The following COL4A3 variants were observed in gnomAD, a reference collection of about 807,000 sequenced individuals.
The protein encoded by COL4A3 is collagen alpha-3(IV) chain.
COL4A3 carries 135 observed loss-of-function variants against 217.4 expected under a neutral mutation model. The observed-to-expected ratio is 0.62, with a 90% CI of 0.54 to 0.72. The LOEUF is 0.72. COL4A3 is among the 30% of genes least tolerant of loss of function. COL4A3 has a pLI of 0.00. For missense variants in COL4A3, 1,868 were observed against 2,119.9 expected, an observed-to-expected ratio of 0.88 and a Z score of 2.33; for synonymous variants, 690 against 736.3, an observed-to-expected ratio of 0.94 and a Z score of 1.02.
intron 4 of COL4A3, 28 bp from the exon 5 acceptor site, chr2:227,244,923 C>A: frequency 6.2e-7 from 1 of 1,605,914 alleles, no homozygotes; most frequent in Non-Finnish European, 8.5e-7. Flanking sequence ...TTTTTTTTGC[C>A]ACCCCCTCCT....
rs1336275500 is a variant in COL4A3, at chr2:227,298,668, T to C, written c.3752-14T>C. The C allele has an allele frequency of 2.5e-6, 4 of 1,613,538 alleles. No individual in the cohort carries two copies. In the Admixed American group the frequency reaches 6.7e-5, roughly 27 times the overall value. ...CCCTGGCTGGCAATACTGACAGACT[T>C]TTCATGAATTCAGGTGCGCCTGGTC... On this transcript the variant is annotated splice_polypyrimidine_tract_variant and intron_variant, in intron 42 of 51. Coordinates refer to ENST00000396578, the MANE Select transcript of COL4A3 (RefSeq NM_000091.5).
At chr2:227,258,368 C>G (rs1031897170) in intron 18 of COL4A3, among the ~76,000 whole-genome samples, 1 of 152,196 alleles carries the variant, frequency 6.6e-6, no homozygotes, top group African/African-American at 2.4e-5. Context: ...AGTAATGTAA[C>G]TCAGGAATTG....
rs917500322 is a variant in COL4A3 at position 227,266,921 on chromosome 2, G to A, written c.1409-72G>A. 9 of 1,012,498 alleles carry A rather than the reference G, an allele frequency of 8.9e-6. No individual in the cohort carries two copies. In the African/African-American group the frequency reaches 1.4e-4, roughly 16 times the overall value. 62.7% of individuals were successfully genotyped at this position (1,012,498 alleles called of 1,614,324 possible). On this transcript the variant is annotated intron_variant, in intron 22 of 51. Coordinates refer to ENST00000396578, the MANE Select transcript of COL4A3 (RefSeq NM_000091.5). ...TTTAAATGTAATAAATGATAGTGTG[G>A]TTGGAAAATATTTGTTCTTTCTGAG...
chr2:227,266,046 C>A (rs1466388160), intron 21 of COL4A3: 1 of 245,134 alleles, frequency 4.1e-6, no homozygotes, highest in East Asian at 1.0e-4. Context: ...AATTACCTCC[C>A]ACCAGGTCCC....
At chr2:227,176,579 C>T (rs932277380) in intron 1 of COL4A3, among the ~76,000 whole-genome samples, 2 of 152,166 alleles carry the variant, frequency 1.3e-5, no homozygotes, top group African/African-American at 4.8e-5. Context: ...ATTAGATTGT[C>T]TCTCCAAACT....
At chr2:227,297,483 T>C (rs1294368952) in intron 41 of COL4A3, among the ~76,000 whole-genome samples, 191 bp from the exon 42 acceptor site, 2 of 152,210 alleles carry the variant, frequency 1.3e-5, no homozygotes, top group South Asian at 4.1e-4. Flanking sequence ...GGAGACAGAC[T>C]GAGTCTCAAC....
chr2:227,208,018 G>GC (rs1036937422), intron 1 of COL4A3, among the ~76,000 whole-genome samples: 20 of 88,220 alleles, frequency 2.3e-4, no homozygotes, highest in African/African-American at 6.0e-4. Flanking sequence ...CTCTCCCCCC[G>GC]CCCCCCCACA....
Position 227,280,884 on chromosome 2 carries a change from CT to C in COL4A3, c.2375-5del, listed in dbSNP as rs1273730221. 1.9e-6 allele frequency: 3 copies of C among 1,544,584 alleles called. 1 individual carries two copies. The South Asian group carries it at 3.6e-5, about 18-fold the overall frequency. ...GCACCTGGGTATATACTTGTGCTTT[CT>C]TTTGCAGGAGATCCAGGGCAGCCTG... is the stretch of plus-strand genomic sequence containing the variant. On this transcript the variant is annotated splice_region_variant and splice_polypyrimidine_tract_variant and intron_variant, in intron 30 of 51. Coordinates refer to ENST00000396578, the MANE Select transcript of COL4A3 (RefSeq NM_000091.5).
chr2:227,200,112 A>G (rs17367956), intron 1 of COL4A3, among the ~76,000 whole-genome samples: 21,817 of 152,202 alleles, frequency 0.14, 1,696 homozygotes, highest in Non-Finnish European at 0.17. Context: ...GCTGAATGCT[A>G]GCAGAGCCTG....
At position 227,254,097 on chromosome 2, in the gene COL4A3, C is replaced by CTGT; in HGVS notation, c.766-13_766-11dup. 1 of 1,612,004 alleles carries CTGT rather than the reference C, an allele frequency of 6.2e-7. No homozygotes were observed. The highest frequency in any genetic ancestry group is 8.5e-7 in the Non-Finnish European group (1 of 1,178,256). On this transcript the variant is annotated splice_polypyrimidine_tract_variant and intron_variant, in intron 13 of 51. Transcript: ENST00000396578. ...TTCATCCATTTGTAACAATGTTGAA[C>CTGT]TGTTTCTTTGGCAGGACCTCAAGGG...
chr2:227,207,925 G>A (rs1392020057), intron 1 of COL4A3, among the ~76,000 whole-genome samples: 3 of 152,126 alleles, frequency 2.0e-5, no homozygotes, highest in Non-Finnish European at 2.9e-5. Flanking sequence ...GTGGGGAATA[G>A]GGAGAAATGG....
At chr2:227,292,356 T>C (rs2072793786) in intron 37 of COL4A3, among the ~76,000 whole-genome samples, 1 of 152,220 alleles carries the variant, frequency 6.6e-6, no homozygotes, top group Non-Finnish European at 1.5e-5. Flanking sequence ...AAACCTGAGA[T>C]TGCTTCCACT....
At chr2:227,281,204 C>T (rs970045868) in intron 31 of COL4A3, among the ~76,000 whole-genome samples, 198 bp downstream of exon 31, 2 of 152,164 alleles carry the variant, frequency 1.3e-5, no homozygotes, top group African/African-American at 4.8e-5. Flanking sequence ...AAGGAAGAAA[C>T]TTGAAGTTAA....
chr2:227,279,079 C>CTTTT (rs34554554), intron 28 of COL4A3, among the ~76,000 whole-genome samples: 1 of 143,820 alleles, frequency 7.0e-6, no homozygotes, highest in African/African-American at 2.6e-5. Flanking sequence ...CGTTCTATAT[C>CTTTT]TTTTTTTTTT....
intron 1 of COL4A3, among the ~76,000 whole-genome samples, chr2:227,172,429 T>C (rs2065512561): frequency 6.6e-6 from 1 of 152,062 alleles, no homozygotes; most frequent in African/African-American, 2.4e-5. Flanking sequence ...CATTATATCC[T>C]CACAAGGTAG....
intron 18 of COL4A3, 129 bp downstream of exon 18, chr2:227,257,773 C>A: frequency 1.1e-6 from 1 of 879,670 alleles, no homozygotes; most frequent in Non-Finnish European, 1.9e-6. Flanking sequence ...GTTGTCAAAC[C>A]AGGGCAGAAA....
intron 17 of COL4A3, 70 bp downstream of exon 17, chr2:227,256,466 C>T: frequency 1.6e-6 from 2 of 1,222,932 alleles, no homozygotes. Flanking sequence ...TACCTCCAAC[C>T]CTGGACCTAA....
At chr2:227,296,415 G>T (rs1004501732) in intron 41 of COL4A3, 3 of 713,136 alleles carry the variant, frequency 4.2e-6, no homozygotes, top group Non-Finnish European at 5.2e-6. Context: ...TCATACCTTA[G>T]GTTTAAAAGC....
intron 41 of COL4A3, 102 bp downstream of exon 41, chr2:227,295,418 GA>G: frequency 9.9e-7 from 1 of 1,013,474 alleles, no homozygotes; most frequent in South Asian, 1.3e-5. Flanking sequence ...GTGAATTAAA[GA>G]TGTTCCAATA....
Sources: allele counts gnomAD v4.1 joint callset (sites outside exome capture counted in the v4.1 genomes callset), GRCh38; gene constraint gnomAD v4.1.1; transcripts MANE v1.5; gene names NCBI Gene and HGNC (gene_info 2026-07-23, HGNC 2026-07-21).